STK11: variants seen among roughly 807,000 people sequenced by gnomAD.
STK11 encodes the protein serine/threonine-protein kinase STK11.
Under a neutral mutation model 47.3 loss-of-function variants are expected in STK11, and 8 were observed. The observed-to-expected ratio is 0.17, with a 90% CI of 0.10 to 0.31. STK11 has a LOEUF of 0.31. Among genes scored for constraint, STK11 ranks in the 10% least tolerant of loss-of-function variants. The pLI is 1.00. For missense variants in STK11, 475 were observed against 605.0 expected (o/e 0.79, Z 2.25); for synonymous variants, 330 against 255.8 (o/e 1.29, Z -2.77).
At position 1,220,397 on chromosome 19, in the gene STK11, C is replaced by T. The variant is rs1060499959; in HGVS notation, c.489C>T (p.Gly163=). ...GGTACTTCTGTCAGCTGATTGACGG[C>T]CTGGAGTACCTGCATAGCCAGGGCA... ...AHGYFCQLID[G]LEYLHSQGIV... Residue 163 remains glycine, a synonymous_variant, in exon 4 of 10, where the codon GGC becomes GGT. Coordinates refer to ENST00000326873, the MANE Select transcript of STK11 (RefSeq NM_000455.5). The T allele has an allele frequency of 1.2e-6, 2 of 1,603,740 alleles. No individual in the cohort carries two copies. The highest frequency in any genetic ancestry group is 1.3e-5 in the African/African-American group (1 of 74,898).
chr19:1,206,994 C>G lies in STK11; in HGVS notation c.81C>G (p.His27Gln), dbSNP rs2080670824. The change falls in exon 1 of 10, where the codon CAC (histidine) becomes CAG (glutamine). Residue 27 changes from histidine to glutamine, a missense_variant. By Grantham distance (24) the His-to-Gln change is conservative. Transcript: ENST00000326873. ...LMSVGMDTFI[H>Q]RIDSTEVIYQ... Reference sequence around the variant, plus strand: ...CGGTGGGTATGGACACGTTCATCCACCGCATCGACTCCACCGAGGTCATCT... The same window carrying G: ...CGGTGGGTATGGACACGTTCATCCAGCGCATCGACTCCACCGAGGTCATCT... 1 of 1,613,310 alleles carries G rather than the reference C, an allele frequency of 6.2e-7. No homozygotes were observed. The highest frequency in any genetic ancestry group is 8.5e-7 in the Non-Finnish European group (1 of 1,179,726).
At chr19:1,210,092 C>T (rs1309389628) in intron 1 of STK11, among the ~76,000 whole-genome samples, 1 of 152,100 alleles carries the variant, frequency 6.6e-6, no homozygotes, top group African/African-American at 2.4e-5. Flanking sequence ...GGAGCTGCCC[C>T]GCTTACAGCT....
chr19:1,210,350 G>C (rs958643683), intron 1 of STK11, among the ~76,000 whole-genome samples: 1 of 152,186 alleles, frequency 6.6e-6, no homozygotes, highest in Admixed American at 6.5e-5. Context: ...CTCGCAGCGA[G>C]TGTCTGGAAC....
chr19:1,226,666 G>A lies in STK11; in HGVS notation c.*16+3G>A, dbSNP rs2145436767. The A allele has an allele frequency of 1.3e-6, 2 of 1,491,162 alleles. No individual in the cohort carries two copies. Among genetic ancestry groups the A allele is most frequent in the Non-Finnish European group, 1.8e-6 (2 of 1,124,994 alleles). The allele number at this position is 1,491,162 out of a possible 1,614,324, so 92.4% of individuals were successfully genotyped here. On this transcript the variant is annotated splice_donor_region_variant and intron_variant, in intron 9 of 9. Transcript: ENST00000326873. ...GCAGTGAGGCTGGCCGCCTGCAGGT[G>A]GGGCGCGGCGGGGCCCGGGTGGGGC...
At chr19:1,222,099 G>A in intron 7 of STK11, 93 bp downstream of exon 7, 4 of 1,441,742 alleles carry the variant, frequency 2.8e-6, no homozygotes, top group South Asian at 1.2e-5. Flanking sequence ...GGGCGTGGTG[G>A]GGGTGCCAGG....
At chr19:1,225,815 A>G (rs2080816683) in intron 8 of STK11, 1 of 985,952 alleles carries the variant, frequency 1.0e-6, no homozygotes. Flanking sequence ...CAGGGACAGT[A>G]CGTGGGCAGC....
chr19:1,226,789 G>C, intron 9 of STK11, 126 bp downstream of exon 9: 3 of 1,231,702 alleles, frequency 2.4e-6, no homozygotes, highest in Admixed American at 3.1e-5. Flanking sequence ...GTTGCCATGT[G>C]GCCTTTGGGT....
At chr19:1,213,615 C>T (rs989469096) in intron 1 of STK11, among the ~76,000 whole-genome samples, 1 of 152,244 alleles carries the variant, frequency 6.6e-6, no homozygotes, top group African/African-American at 2.4e-5. Flanking sequence ...CTCTGCTGTT[C>T]ACGGCTGCGT....
chr19:1,220,847 G>A lies in STK11; in HGVS notation c.734+130G>A, dbSNP rs2080778493. 38 of 1,376,440 alleles carry A rather than the reference G, an allele frequency of 2.8e-5. 2 individuals carry two copies. The South Asian group carries it at 5.4e-4, about 20-fold the overall frequency. 85.3% of individuals were successfully genotyped at this position (1,376,440 alleles called of 1,614,324 possible). ...AGACCCTCTCTGGCCACAGCCGCTAGGGGGTGCTTACTTTATGGAAATGTA... is the reference window on the plus strand; with the variant it reads ...AGACCCTCTCTGGCCACAGCCGCTAAGGGGTGCTTACTTTATGGAAATGTA... On this transcript the variant is annotated intron_variant, in intron 5 of 9. Transcript: ENST00000326873.
At chr19:1,212,532 A>G (rs936410562) in intron 1 of STK11, among the ~76,000 whole-genome samples, 6 of 150,132 alleles carry the variant, frequency 4.0e-5, no homozygotes, top group Non-Finnish European at 8.9e-5. Context: ...GATTACAGGT[A>G]TGAGCCACTG....
intron 8 of STK11, chr19:1,225,959 G>C: frequency 1.0e-6 from 1 of 991,694 alleles, no homozygotes. Context: ...TGGGGGCCCT[G>C]GCAGGCTGAG....
Position 1,206,936 on chromosome 19 carries a change from A to G in STK11, c.23A>G (p.Gln8Arg). 6.3e-7 allele frequency: 1 copy of G among 1,596,886 alleles called. No homozygotes were observed. The highest frequency in any genetic ancestry group is 8.5e-7 in the Non-Finnish European group (1 of 1,172,200). The change falls in exon 1 of 10, where the codon CAG (glutamine) becomes CGG (arginine). Residue 8 changes from glutamine (Q) to arginine (R), a missense_variant. Transcript: ENST00000326873. The stretch of plus-strand genomic sequence containing the variant: ...AGCATGGAGGTGGTGGACCCGCAGC[A>G]GCTGGGCATGTTCACGGAGGGCGAG... MEVVDPQ[Q>R]LGMFTEGELM... is the part of the protein sequence containing the mutation.
chr19:1,221,462 C>G (rs2080783987), intron 6 of STK11, 122 bp downstream of exon 6: 1 of 1,410,908 alleles, frequency 7.1e-7, no homozygotes, highest in Non-Finnish European at 9.3e-7. Context: ...ATTGAGAGGA[C>G]TGAGTGGAGA....
In STK11 at chr19:1,227,701, C is replaced by G. The variant is rs1024247079; in HGVS notation, c.*125C>G. On this transcript the variant is annotated 3_prime_UTR_variant, in exon 10 of 10. Transcript: ENST00000326873. ...CGCCATGCTTCTGTGCCGACCACGC[C>G]CCAGGACCTCCGGAGCGCCCTGCAG... The G allele has an allele frequency of 2.0e-5, 21 of 1,069,912 alleles. No homozygotes were observed. In the African/African-American group the frequency reaches 3.1e-4, roughly 16 times the overall value. 66.3% of individuals were successfully genotyped at this position (1,069,912 alleles called of 1,614,324 possible).
Position 1,206,800 on chromosome 19 carries a change from T to A in STK11, c.-114T>A, listed in dbSNP as rs1467320355. 7.4e-7 allele frequency: 1 copy of A among 1,356,854 alleles called. No homozygotes were observed. The highest frequency in any genetic ancestry group is 9.8e-7 in the Non-Finnish European group (1 of 1,023,086). 84.1% of individuals were successfully genotyped at this position (1,356,854 alleles called of 1,614,324 possible). On this transcript the variant is annotated 5_prime_UTR_variant, in exon 1 of 10. Transcript: ENST00000326873. The stretch of plus-strand genomic sequence containing the variant: ...TTCCTTTTGGGGTTTTTGTTGCCTT[T>A]TTTTTTTCTTTTTTCTTTGTAAAAT...
chr19:1,221,456 A>G (rs1032106361), intron 6 of STK11, 116 bp downstream of exon 6: 27 of 1,427,258 alleles, frequency 1.9e-5, no homozygotes, highest in Non-Finnish European at 1.8e-6. Context: ...GCAGGCATTG[A>G]GAGGACTGAG....
chr19:1,228,168 C>T lies in STK11; in HGVS notation c.*592C>T, dbSNP rs1317030513. On this transcript the variant is annotated 3_prime_UTR_variant, in exon 10 of 10. Coordinates refer to ENST00000326873, the MANE Select transcript of STK11 (RefSeq NM_000455.5). The stretch of plus-strand genomic sequence containing the variant: ...TGTGGGGTCGGGCTCACGTCGCGGC[C>T]GCCTTTGCGCTCTCGGGTCACCCTG... 3 of 1,057,204 alleles carry T rather than the reference C, an allele frequency of 2.8e-6. No homozygotes were observed. The highest frequency in any genetic ancestry group is 5.3e-5 in the Admixed American group (1 of 18,714). The allele number at this position is 1,057,204 out of a possible 1,614,324, so 65.5% of individuals were successfully genotyped here. A position where few individuals can be genotyped will look rare whatever the true frequency, so the allele number is the denominator to read the frequency against.
intron 7 of STK11, among the ~76,000 whole-genome samples, chr19:1,222,235 G>A (rs893490429): frequency 6.6e-6 from 1 of 152,208 alleles, no homozygotes; most frequent in Non-Finnish European, 1.5e-5. Flanking sequence ...GTGAGGACAT[G>A]CGTCCGTCCC....
At position 1,223,519 on chromosome 19, in the gene STK11, A is replaced by T. The variant is rs528701940; in HGVS notation, c.1108+347A>T. 9.4e-4 allele frequency: 908 copies of T among 967,394 alleles called. 8 individuals are homozygous for T. In the African/African-American group the frequency reaches 0.014, roughly 15 times the overall value. The allele number at this position is 967,394 out of a possible 1,614,324, so 59.9% of individuals were successfully genotyped here. On this transcript the variant is annotated intron_variant, in intron 8 of 9. Coordinates refer to ENST00000326873, the MANE Select transcript of STK11 (RefSeq NM_000455.5). ...CCAGGGTCGGGGGAGGGTAGGTGAG[A>T]GTCAGGGTGCAGGGTGGCCCCTCAG...
Sources: allele counts gnomAD v4.1 joint callset (sites outside exome capture counted in the v4.1 genomes callset), GRCh38; gene constraint gnomAD v4.1.1; transcripts MANE v1.5; gene names NCBI Gene and HGNC (gene_info 2026-07-23, HGNC 2026-07-21).